CFAP20DC: variants seen among roughly 807,000 people sequenced by gnomAD.
CFAP20DC encodes protein CFAP20DC.
In CFAP20DC, 84 loss-of-function variants were observed where a neutral mutation model predicts 101.7. The ratio of observed to expected loss-of-function variants is 0.83; its 90% CI spans 0.69 to 0.99. The LOEUF is 0.99. Among genes scored for constraint, CFAP20DC ranks in the 50% least tolerant of loss-of-function variants. The pLI is 0.00. For synonymous variants in CFAP20DC, 359 were observed against 351.2 expected (o/e 1.02, Z -0.25); for missense variants, 1,007 against 970.3 (o/e 1.04, Z -0.50).
rs752936681 is a variant in CFAP20DC, at chr3:58,913,882, AAAG to A, written c.394-21_394-19del. On this transcript the variant is annotated intron_variant, in intron 5 of 16. Transcript: ENST00000482387. This position sits in a 1 kb window ranked among gnomAD's most constrained non-coding sequence, Gnocchi z 4.4. ...TTGCACCACTAAAATAGAGAGATGCAAAGAAGAGTAAGGACCTTTCATCAACAC... is the reference window on the plus strand; with the variant it reads ...TTGCACCACTAAAATAGAGAGATGCAAAGAGTAAGGACCTTTCATCAACAC... 1.2e-6 allele frequency: 2 copies of A among 1,612,514 alleles called. No individual in the cohort carries two copies. The highest frequency in any genetic ancestry group is 2.7e-5 in the African/African-American group (2 of 74,862).
At chr3:58,761,784 G>T (rs1211285069) in intron 15 of CFAP20DC, among the ~76,000 whole-genome samples, 4 of 152,094 alleles carry the variant, frequency 2.6e-5, no homozygotes, top group African/African-American at 7.2e-5. Flanking sequence ...CTGCCTTCAT[G>T]TTGTTATGTA....
intron 6 of CFAP20DC, among the ~76,000 whole-genome samples, chr3:58,911,062 A>AGTTTCC (rs1478088453): frequency 1.3e-5 from 2 of 152,166 alleles, no homozygotes; most frequent in Non-Finnish European, 2.9e-5. Context: ...TGGAAACTAT[A>AGTTTCC]AAAAAGAACC....
intron 4 of CFAP20DC, among the ~76,000 whole-genome samples, chr3:58,982,609 A>C (rs139768804): frequency 2.3e-4 from 34 of 151,098 alleles, no homozygotes; most frequent in African/African-American, 8.3e-4. Flanking sequence ...CACAAGGACA[A>C]AAAAAACAAA....
intron 4 of CFAP20DC, among the ~76,000 whole-genome samples, chr3:59,022,228 G>A (rs2093815703): frequency 6.6e-6 from 1 of 152,010 alleles, no homozygotes. Flanking sequence ...CTAAAAGGCA[G>A]CAAAGATATA....
Position 58,874,342 on chromosome 3 carries a change from C to T in CFAP20DC, c.716-4033G>A, listed in dbSNP as rs985190394. Among the ~76,000 whole-genome samples the T allele has an allele frequency of 5.3e-5, 8 of 152,186 alleles. No homozygotes were observed. The highest frequency in any genetic ancestry group is 1.0e-4 in the Non-Finnish European group (7 of 68,024). ...CTTACTGTGTGACTTACTGTGTCCA[C>T]GCTGGTGCCCCATGCCATCCCTCCT... On this transcript the variant is annotated intron_variant, in intron 7 of 16. Transcript: ENST00000482387. This position sits in a 1 kb window ranked among gnomAD's most constrained non-coding sequence, Gnocchi z 5.1.
chr3:59,015,422 T>C lies in CFAP20DC; in HGVS notation c.278+24135A>G, dbSNP rs2093668471. Among the ~76,000 whole-genome samples the C allele has an allele frequency of 7.0e-6, 1 of 143,194 alleles. No individual in the cohort carries two copies. The highest frequency in any genetic ancestry group is 1.5e-5 in the Non-Finnish European group (1 of 65,562). The allele number at this position is 143,194 out of a possible 152,430, so 93.9% of individuals were successfully genotyped here. On this transcript the variant is annotated intron_variant, in intron 4 of 16. Coordinates refer to ENST00000482387, the MANE Select transcript of CFAP20DC (RefSeq NM_001394063.1). This position sits in a 1 kb window ranked among gnomAD's most constrained non-coding sequence, Gnocchi z 5.4. The stretch of plus-strand genomic sequence containing the variant: ...GGCAAAGGGCAAGAATAAAGATAGA[T>C]GGAAGGGAAGAGAGGACAAAGAAGA...
chr3:58,717,662 A>T lies in CFAP20DC; in HGVS notation c.198-34T>A, dbSNP rs1276373557. The T allele has an allele frequency of 2.3e-6, 1 of 427,592 alleles. No homozygotes were observed. Among genetic ancestry groups the T allele is most frequent in the East Asian group, 7.0e-5 (1 of 14,256 alleles). 26.5% of individuals were successfully genotyped at this position (427,592 alleles called of 1,614,324 possible). ...CAGGTAGGAGAAGAGAGAAGAAAAA[A>T]AAAAAAGAAAAAAGGTACATGCCTT... On this transcript the variant is annotated intron_variant, in intron 3 of 3. Coordinates refer to the CFAP20DC transcript ENST00000486145. The surrounding 1 kb of genome is among the most constrained non-coding windows in gnomAD (Gnocchi z 4.1).
chr3:58,900,672 G>A (rs1292263500), intron 6 of CFAP20DC, among the ~76,000 whole-genome samples: 1 of 152,222 alleles, frequency 6.6e-6, no homozygotes, highest in Non-Finnish European at 1.5e-5. Flanking sequence ...AATGGCACAT[G>A]AAAGAGAAGG....
At chr3:58,974,858 T>A (rs1478246066) in intron 4 of CFAP20DC, among the ~76,000 whole-genome samples, 2 of 152,028 alleles carry the variant, frequency 1.3e-5, no homozygotes, top group African/African-American at 4.8e-5. Context: ...ACCACTGGAC[T>A]GTTTATGTAT....
intron 5 of CFAP20DC, among the ~76,000 whole-genome samples, chr3:58,932,423 T>C (rs9839312): frequency 0.077 from 11,692 of 151,504 alleles, 1,475 homozygotes; most frequent in African/African-American, 0.27. Flanking sequence ...ATACAGAGAA[T>C]GCCACAAAGA....
intron 4 of CFAP20DC, among the ~76,000 whole-genome samples, chr3:58,965,946 C>T (rs2091488681): frequency 6.6e-6 from 1 of 152,134 alleles, no homozygotes; most frequent in Non-Finnish European, 1.5e-5. Flanking sequence ...AACATTTTTG[C>T]TCCATAAAAG....
chr3:58,954,118 C>A (rs965561260), intron 4 of CFAP20DC, among the ~76,000 whole-genome samples: 2 of 152,182 alleles, frequency 1.3e-5, no homozygotes, highest in Non-Finnish European at 2.9e-5. Flanking sequence ...TTGCAAACCA[C>A]TTGAAAGTAA....
At position 58,884,605 on chromosome 3, in the gene CFAP20DC, T is replaced by A. The variant is rs1351175387; in HGVS notation, c.655A>T (p.Thr219Ser). 2 of 1,614,064 alleles carry A rather than the reference T, an allele frequency of 1.2e-6. No individual in the cohort carries two copies. The highest frequency in any genetic ancestry group is 1.7e-6 in the Non-Finnish European group (2 of 1,179,942). The change falls in exon 7 of 17, where the codon ACT (threonine) becomes TCT (serine). Residue 219 changes from threonine to serine, a missense_variant. Transcript: ENST00000482387. Reference sequence around the variant, plus strand: ...TTTATTTCAGTTTGGCGAAGTTTAGTCATGTTTAGCAGCTGTGTGACATGT... The same window carrying A: ...TTTATTTCAGTTTGGCGAAGTTTAGACATGTTTAGCAGCTGTGTGACATGT... ...VPHVTQLLNM[T>S]KLRQTEIKFG...
chr3:59,026,564 T>A (rs929420236), intron 4 of CFAP20DC, among the ~76,000 whole-genome samples: 1 of 152,186 alleles, frequency 6.6e-6, no homozygotes, highest in African/African-American at 2.4e-5. Flanking sequence ...ACTAATGTCA[T>A]CGTGACCTAA....
intron 5 of CFAP20DC, among the ~76,000 whole-genome samples, chr3:58,924,939 G>A (rs759840502): frequency 6.6e-6 from 1 of 151,374 alleles, no homozygotes; most frequent in African/African-American, 2.4e-5. Flanking sequence ...TTTTTTTCTT[G>A]TTATCTGAGA....
At chr3:58,969,043 C>T (rs1356641446) in intron 4 of CFAP20DC, among the ~76,000 whole-genome samples, 1 of 152,104 alleles carries the variant, frequency 6.6e-6, no homozygotes, top group African/African-American at 2.4e-5. Flanking sequence ...TTTCTAGGCT[C>T]TCTATTCTCC....
chr3:59,021,389 T>C (rs1007997310), intron 4 of CFAP20DC, among the ~76,000 whole-genome samples: 2 of 152,020 alleles, frequency 1.3e-5, no homozygotes, highest in Admixed American at 6.6e-5. Context: ...GGAATATCTG[T>C]AGAAGTCACT....
chr3:58,947,463 C>T (rs2089514415), intron 4 of CFAP20DC, among the ~76,000 whole-genome samples: 2 of 152,192 alleles, frequency 1.3e-5, no homozygotes, highest in African/African-American at 4.8e-5. Flanking sequence ...AAAATAAGCT[C>T]TCTTTGGGCT....
intron 4 of CFAP20DC, among the ~76,000 whole-genome samples, chr3:58,995,637 T>C (rs941424439): frequency 6.6e-6 from 1 of 152,078 alleles, no homozygotes; most frequent in Non-Finnish European, 1.5e-5. Flanking sequence ...TGTGAAGGTG[T>C]TTTTGGCCGA....
Sources: allele counts gnomAD v4.1 joint callset (sites outside exome capture counted in the v4.1 genomes callset), GRCh38; gene constraint gnomAD v4.1.1; non-coding constraint Gnocchi (gnomAD v3.1); transcripts MANE v1.5; gene names NCBI Gene and HGNC (gene_info 2026-07-23, HGNC 2026-07-21).